WDR59: variants seen among roughly 807,000 people sequenced by gnomAD.
The protein encoded by WDR59 is WD repeat domain 59, also known as GATOR2 complex protein WDR59.
A neutral mutation model predicts 131.2 loss-of-function variants in WDR59; 100 were observed. The observed-to-expected ratio is 0.76, with a 90% CI of 0.65 to 0.90. The LOEUF is 0.90. Ranked by LOEUF, WDR59 falls within the 40% of genes least tolerant of loss-of-function variation. The pLI is 0.00. For missense variants in WDR59, 1,203 were observed against 1,262.2 expected (o/e 0.95, Z 0.71); for synonymous variants, 601 against 466.2 (o/e 1.29, Z -3.72).
chr16:74,917,808 CAAAAAA>C (rs34773155), intron 11 of WDR59, 115 bp downstream of exon 11: 902 of 429,946 alleles, frequency 2.1e-3, no homozygotes, highest in East Asian at 3.6e-3. Context: ...GACGCACTCT[CAAAAAA>C]AAAAAAAAAA....
At chr16:74,971,855 C>A (rs1233123567) in intron 1 of WDR59, among the ~76,000 whole-genome samples, 1 of 152,082 alleles carries the variant, frequency 6.6e-6, no homozygotes. Context: ...ACTACAGATG[C>A]ACACCACCAC....
intron 3 of WDR59, among the ~76,000 whole-genome samples, chr16:74,952,799 T>C (rs1373890656): frequency 2.0e-5 from 3 of 151,608 alleles, no homozygotes; most frequent in African/African-American, 4.8e-5. Flanking sequence ...ATTAGACTGA[T>C]TGTCATTTTA....
At chr16:74,974,887 G>A (rs1371170018) in intron 1 of WDR59, among the ~76,000 whole-genome samples, 5 of 152,052 alleles carry the variant, frequency 3.3e-5, no homozygotes, top group Non-Finnish European at 5.9e-5. Flanking sequence ...GGGAAGCTTC[G>A]GCCTGGTTTC....
At chr16:74,954,198 C>T (rs925375279) in intron 3 of WDR59, among the ~76,000 whole-genome samples, 3 of 151,984 alleles carry the variant, frequency 2.0e-5, no homozygotes, top group African/African-American at 4.8e-5. Context: ...CACCTGAGGT[C>T]GAGAGTTTGA....
At chr16:74,914,644 G>C (rs999526803) in intron 13 of WDR59, among the ~76,000 whole-genome samples, 17 of 150,730 alleles carry the variant, frequency 1.1e-4, no homozygotes, top group African/African-American at 4.2e-4. Flanking sequence ...CCAGGCTGGA[G>C]TGTAGTGGTG....
intron 18 of WDR59, among the ~76,000 whole-genome samples, chr16:74,902,413 C>T (rs137873523): frequency 2.1e-5 from 3 of 146,154 alleles, no homozygotes; most frequent in African/African-American, 5.3e-5. Context: ...CTCTTGGTTC[C>T]TCTTTATAAT....
At chr16:74,913,073 G>A (rs1454146451) in intron 13 of WDR59, among the ~76,000 whole-genome samples, 1 of 3,044 alleles carries the variant, frequency 3.3e-4, no homozygotes, top group African/African-American at 4.0e-4. Context: ...TAGATTTTGG[G>A]GGGGGGGGGG....
intron 1 of WDR59, 76 bp downstream of exon 1, chr16:74,984,888 G>T: frequency 6.4e-7 from 1 of 1,561,382 alleles, no homozygotes; most frequent in South Asian, 1.2e-5. Context: ...AGCCCCCCGG[G>T]ACGGAAGCAG....
intron 20 of WDR59, among the ~76,000 whole-genome samples, chr16:74,892,070 G>T (rs1275677594): frequency 6.6e-6 from 1 of 152,078 alleles, no homozygotes; most frequent in Non-Finnish European, 1.5e-5. Context: ...CAAAGATGAA[G>T]AAAATTTAAA....
chr16:74,961,742 C>G (rs1484323482), intron 2 of WDR59, among the ~76,000 whole-genome samples: 2 of 152,164 alleles, frequency 1.3e-5, no homozygotes, highest in Non-Finnish European at 2.9e-5. Flanking sequence ...TGTAGGCTGT[C>G]TGTTCACTCT....
In WDR59 at chr16:74,946,753, G is replaced by T. The variant is rs890487094; in HGVS notation, c.445+1766C>A. 2.0e-5 allele frequency among the ~76,000 whole-genome samples: 3 copies of T among 151,856 alleles called. No individual in the cohort carries two copies. The East Asian group carries it at 5.8e-4, about 29-fold the overall frequency. ...AAAAGAAAAAAGAAAGAAAGAAGTG[G>T]TTTCTAACTTCACAAATCATATCAT... On this transcript the variant is annotated intron_variant, in intron 6 of 25. Transcript: ENST00000262144.
At chr16:74,942,648 C>G (rs2032321179) in intron 7 of WDR59, 90 bp downstream of exon 7, 3 of 1,328,214 alleles carry the variant, frequency 2.3e-6, no homozygotes, top group Non-Finnish European at 2.2e-6. Context: ...TCCCCAGACT[C>G]TCAAGCCAAG....
At chr16:74,930,320 T>C (rs915037301) in intron 8 of WDR59, among the ~76,000 whole-genome samples, 10 of 152,264 alleles carry the variant, frequency 6.6e-5, no homozygotes, top group Non-Finnish European at 1.3e-4. Context: ...CATACATATA[T>C]ACACCTACTA....
chr16:74,913,488 G>A (rs562329301), intron 13 of WDR59, among the ~76,000 whole-genome samples: 46 of 151,930 alleles, frequency 3.0e-4, no homozygotes, highest in African/African-American at 9.7e-4. Context: ...ATGGGGTTTC[G>A]CCATGTTGGC....
chr16:74,977,736 T>C lies in WDR59; in HGVS notation c.54+7228A>G, dbSNP rs9927672. On this transcript the variant is annotated intron_variant, in intron 1 of 25. Coordinates refer to ENST00000262144, the MANE Select transcript of WDR59 (RefSeq NM_030581.4). ...ATAAATAAAAATTGGCCTTGATACT[T>C]ATCTACTTATAGCAGCTTTCTTCAG... Among the ~76,000 whole-genome samples, 1,016 of 152,278 alleles carry C rather than the reference T, an allele frequency of 6.7e-3. 8 individuals carry two copies. Among genetic ancestry groups the C allele is most frequent in the African/African-American group, 0.023 (958 of 41,560 alleles).
At chr16:74,895,184 G>A (rs752731591) in intron 18 of WDR59, among the ~76,000 whole-genome samples, 1 of 152,202 alleles carries the variant, frequency 6.6e-6, no homozygotes, top group Non-Finnish European at 1.5e-5. Context: ...AAGTTTAGCT[G>A]AAGTATCTGT....
intron 18 of WDR59, among the ~76,000 whole-genome samples, chr16:74,902,646 C>T (rs34406928): frequency 0.36 from 54,330 of 151,712 alleles, 9,698 homozygotes; most frequent in African/African-American, 0.39. Context: ...GATTGAAAGA[C>T]CTCCTTGACC....
At chr16:74,916,026 G>C (rs753006147) in intron 12 of WDR59, 32 bp from the exon 13 acceptor site, 47 of 1,613,888 alleles carry the variant, frequency 2.9e-5, no homozygotes, top group South Asian at 1.1e-4. Flanking sequence ...ATGTTGGAAA[G>C]CATTTTTGAA....
intron 1 of WDR59, among the ~76,000 whole-genome samples, chr16:74,973,227 GC>G (rs2145224459): frequency 6.6e-6 from 1 of 152,224 alleles, no homozygotes; most frequent in South Asian, 2.1e-4. Flanking sequence ...AGCAACAAGA[GC>G]AAAACTCTGT....
Sources: allele counts gnomAD v4.1 joint callset (sites outside exome capture counted in the v4.1 genomes callset), GRCh38; gene constraint gnomAD v4.1.1; transcripts MANE v1.5; gene names NCBI Gene and HGNC (gene_info 2026-07-23, HGNC 2026-07-21).